The following SPRED2 variants were observed in gnomAD, a reference collection of about 807,000 sequenced individuals.
The protein encoded by SPRED2 is sprouty related EVH1 domain containing 2.
A neutral mutation model predicts 43.0 loss-of-function variants in SPRED2; 47 were observed. The observed-to-expected ratio is 1.09, with a 90% CI of 0.87 to 1.40. The LOEUF (loss-of-function observed/expected upper bound fraction) is 1.40. SPRED2 is among the 40% of genes most tolerant of loss of function. SPRED2 has a pLI of 0.00. For synonymous variants in SPRED2, 225 were observed against 225.7 expected, an observed-to-expected ratio of 1.00 and a Z score of 0.03; for missense variants, 561 against 586.4, an observed-to-expected ratio of 0.96 and a Z score of 0.45.
intron 1 of SPRED2, chr2:65,377,684 C>G: frequency 2.1e-6 from 1 of 471,268 alleles, no homozygotes; most frequent in South Asian, 1.5e-5. Context: ...ATAGAGCCAT[C>G]TGCACACCAA....
At chr2:65,370,723 G>T (rs1310373533) in intron 1 of SPRED2, among the ~76,000 whole-genome samples, 2 of 152,142 alleles carry the variant, frequency 1.3e-5, no homozygotes, top group African/African-American at 4.8e-5. Context: ...ACAGCTTTCT[G>T]TCTTGCGGTA....
chr2:65,336,057 C>A lies in SPRED2; in HGVS notation c.205-1284G>T, dbSNP rs1238845137. ...ATAAGTATAAATTCTAAGAATAGAT[C>A]AAAGCAAAAAGAAGGAGGCCAGTAC... On this transcript the variant is annotated intron_variant, in intron 2 of 5. Transcript: ENST00000356388. Among the ~76,000 whole-genome samples the A allele has an allele frequency of 3.3e-5, 5 of 152,064 alleles. 1 individual carries two copies. The highest frequency in any genetic ancestry group is 1.5e-5 in the Non-Finnish European group (1 of 68,000).
downstream of SPRED2, among the ~76,000 whole-genome samples, chr2:65,309,100 A>G (rs35603640): frequency 0.19 from 29,509 of 151,428 alleles, 3,162 homozygotes; most frequent in Non-Finnish European, 0.22. Flanking sequence ...AGGGTGCAGT[A>G]AGCCAAGATC....
chr2:65,317,965 G>A (rs1673294458), intron 4 of SPRED2, among the ~76,000 whole-genome samples: 1 of 152,112 alleles, frequency 6.6e-6, no homozygotes, highest in Non-Finnish European at 1.5e-5. Context: ...TGTACAAGCA[G>A]ATCCCACAGG....
rs572286494 is a variant in SPRED2 at position 65,312,479 on chromosome 2, T to A, written c.*1022A>T. The stretch of plus-strand genomic sequence containing the variant: ...GGGGGGAAGAAGCTCCCTATGGTTT[T>A]ATTCACCATAACCTTAGTGTTTCTC... On this transcript the variant is annotated 3_prime_UTR_variant, in exon 6 of 6. Transcript: ENST00000356388. 1.0e-6 allele frequency: 1 copy of A among 985,450 alleles called. No homozygotes were observed. Among genetic ancestry groups the A allele is most frequent in the South Asian group, 4.7e-5 (1 of 21,292 alleles). The allele number at this position is 985,450 out of a possible 1,614,324, so 61.0% of individuals were successfully genotyped here.
chr2:65,321,092 G>A (rs557479770), intron 4 of SPRED2, among the ~76,000 whole-genome samples: 3 of 152,252 alleles, frequency 2.0e-5, no homozygotes, highest in African/African-American at 4.8e-5. Flanking sequence ...GAACTGTTAG[G>A]GCTTTGAAGA....
chr2:65,323,007 T>C (rs1251111850), intron 4 of SPRED2, among the ~76,000 whole-genome samples: 4 of 152,244 alleles, frequency 2.6e-5, no homozygotes, highest in Non-Finnish European at 5.9e-5. Context: ...TATTTATTTA[T>C]TTTTTGAGAC....
intron 1 of SPRED2, 77 bp downstream of exon 1, chr2:65,431,885 C>T: frequency 6.4e-7 from 1 of 1,559,042 alleles, no homozygotes; most frequent in Non-Finnish European, 8.8e-7. Context: ...CAATAAGCGT[C>T]CCCGCCCGCA....
At chr2:65,381,249 T>A (rs1289251023) in intron 1 of SPRED2, among the ~76,000 whole-genome samples, 2 of 152,204 alleles carry the variant, frequency 1.3e-5, no homozygotes, top group African/African-American at 4.8e-5. Context: ...TCCCTTGGTG[T>A]TGTGTCCCAG....
chr2:65,367,847 T>C (rs1190589330), intron 1 of SPRED2, among the ~76,000 whole-genome samples: 1 of 152,222 alleles, frequency 6.6e-6, no homozygotes, highest in African/African-American at 2.4e-5. Flanking sequence ...CATAGTCTCT[T>C]AAACCAGCAG....
intron 1 of SPRED2, among the ~76,000 whole-genome samples, chr2:65,410,047 G>C (rs199507132): frequency 6.9e-6 from 1 of 144,118 alleles, no homozygotes; most frequent in African/African-American, 2.6e-5. Flanking sequence ...AAAAAAAAAA[G>C]AATAATTTTA....
intron 4 of SPRED2, among the ~76,000 whole-genome samples, chr2:65,324,178 C>T (rs1443499435): frequency 6.6e-6 from 1 of 151,904 alleles, no homozygotes; most frequent in Admixed American, 6.6e-5. Flanking sequence ...AAAGAGCAGG[C>T]TTCCAGTTGC....
chr2:65,364,335 C>T (rs1387710987), intron 1 of SPRED2, among the ~76,000 whole-genome samples: 1 of 152,238 alleles, frequency 6.6e-6, no homozygotes, highest in African/African-American at 2.4e-5. Flanking sequence ...CTCCCCAGCA[C>T]ATTGCTCTGA....
At chr2:65,387,598 G>T (rs1414468116) in intron 1 of SPRED2, among the ~76,000 whole-genome samples, 4 of 152,140 alleles carry the variant, frequency 2.6e-5, no homozygotes, top group African/African-American at 7.2e-5. Flanking sequence ...GTATTTGTGT[G>T]CATACTAACT....
intron 1 of SPRED2, among the ~76,000 whole-genome samples, chr2:65,359,081 A>C (rs1013142332): frequency 1.3e-5 from 2 of 152,216 alleles, no homozygotes; most frequent in African/African-American, 4.8e-5. Context: ...GTTACTGGGG[A>C]AATTCTTTCC....
At chr2:65,430,490 T>G (rs1380422287) in intron 1 of SPRED2, among the ~76,000 whole-genome samples, 2 of 152,136 alleles carry the variant, frequency 1.3e-5, no homozygotes, top group African/African-American at 4.8e-5. Flanking sequence ...GTATATTTAA[T>G]AAAGTGAGTA....
chr2:65,364,771 A>G (rs1674926497), intron 1 of SPRED2, among the ~76,000 whole-genome samples: 1 of 150,436 alleles, frequency 6.6e-6, no homozygotes, highest in Non-Finnish European at 1.5e-5. Flanking sequence ...GGCCTCAAGG[A>G]AAAAAAAAAT....
At chr2:65,350,988 A>T (rs1324795629) in intron 1 of SPRED2, among the ~76,000 whole-genome samples, 1 of 152,210 alleles carries the variant, frequency 6.6e-6, no homozygotes, top group South Asian at 2.1e-4. Flanking sequence ...CTGCTGGCTG[A>T]AAGTAGTGTT....
chr2:65,420,488 C>T lies in SPRED2; in HGVS notation c.26+11474G>A, dbSNP rs370844108. On this transcript the variant is annotated intron_variant, in intron 1 of 5. Coordinates refer to ENST00000356388, the MANE Select transcript of SPRED2 (RefSeq NM_181784.3). ...TTCCAGTCTCTTCCCGATTTCTCAC[C>T]AGAATTATCTGTAAAGAGTAAGCAC... is the stretch of plus-strand genomic sequence containing the variant. 1.2e-4 allele frequency among the ~76,000 whole-genome samples: 18 copies of T among 152,322 alleles called. No homozygotes were observed. In the East Asian group the frequency reaches 2.7e-3, roughly 23 times the overall value.
Sources: gnomAD v4.1 joint callset for allele counts (sites outside exome capture counted in the v4.1 genomes callset) on GRCh38, gnomAD v4.1.1 for gene constraint, MANE v1.5 for transcripts, NCBI Gene and HGNC (gene_info 2026-07-23, HGNC 2026-07-21) for gene names.